The following SPATA18 variants were observed in gnomAD, a reference collection of about 807,000 sequenced individuals.
SPATA18 encodes the protein spermatogenesis associated 18.
In SPATA18, 54 loss-of-function variants were observed where a neutral mutation model predicts 68.1. That is an observed-to-expected ratio of 0.79 (90% CI 0.64 to 0.99). The LOEUF is 0.99. Among genes scored for constraint, SPATA18 ranks in the 50% least tolerant of loss-of-function variants. The pLI is 0.00. For missense variants in SPATA18, 724 were observed against 681.1 expected, an observed-to-expected ratio of 1.06 and a Z score of -0.70; for synonymous variants, 242 against 244.8, an observed-to-expected ratio of 0.99 and a Z score of 0.11.
chr4:52,069,384 A>C (rs1578167125), intron 4 of SPATA18, among the ~76,000 whole-genome samples: 1 of 152,134 alleles, frequency 6.6e-6, no homozygotes, highest in Non-Finnish European at 1.5e-5. Context: ...AATTTTTTTA[A>C]ATATTGAAGA....
intron 3 of SPATA18, among the ~76,000 whole-genome samples, 161 bp downstream of exon 3, chr4:52,061,058 C>G (rs1738807916): frequency 6.6e-6 from 1 of 152,166 alleles, no homozygotes; most frequent in South Asian, 2.1e-4. Context: ...AGTTTTTGAA[C>G]AGGTAGAGAT....
At chr4:52,056,999 T>A (rs952128581) in intron 1 of SPATA18, among the ~76,000 whole-genome samples, 1 of 152,116 alleles carries the variant, frequency 6.6e-6, no homozygotes, top group Non-Finnish European at 1.5e-5. Flanking sequence ...CTTCTGTTCC[T>A]CCTCTTGAAA....
intron 8 of SPATA18, 60 bp from the exon 9 acceptor site, chr4:52,079,684 G>T: frequency 1.9e-6 from 3 of 1,565,958 alleles, no homozygotes; most frequent in Non-Finnish European, 1.7e-6. Context: ...ATATTCTTAG[G>T]ATGTCAGAGT....
At chr4:52,087,635 G>A (rs2109524448) in intron 11 of SPATA18, among the ~76,000 whole-genome samples, 1 of 152,198 alleles carries the variant, frequency 6.6e-6, no homozygotes, top group African/African-American at 2.4e-5. Flanking sequence ...CTATATATCT[G>A]TTTTTGTACA....
chr4:52,070,546 A>T (rs1427730316), intron 5 of SPATA18, among the ~76,000 whole-genome samples: 53 of 81,142 alleles, frequency 6.5e-4, no homozygotes, highest in South Asian at 4.2e-3. Context: ...GGGTAGGGGG[A>T]GGGGGGAGGG....
intron 5 of SPATA18, among the ~76,000 whole-genome samples, chr4:52,070,890 G>GA (rs1491031576): frequency 2.1e-5 from 3 of 144,058 alleles, no homozygotes; most frequent in African/African-American, 7.5e-5. Context: ...TGGGGGGGGG[G>GA]GTGTTTTACA....
intron 1 of SPATA18, among the ~76,000 whole-genome samples, chr4:52,052,836 C>T (rs905937121): frequency 6.6e-6 from 1 of 152,216 alleles, no homozygotes; most frequent in Non-Finnish European, 1.5e-5. Flanking sequence ...ACCCTTTAAC[C>T]AGTGCTCCTG....
intron 11 of SPATA18, among the ~76,000 whole-genome samples, chr4:52,092,874 C>T (rs1322445000): frequency 6.6e-6 from 1 of 152,178 alleles, no homozygotes; most frequent in Non-Finnish European, 1.5e-5. Flanking sequence ...AGGTCATTAT[C>T]TTTAGCAAAC....
intron 11 of SPATA18, among the ~76,000 whole-genome samples, chr4:52,085,969 C>A (rs1244096111): frequency 6.6e-6 from 1 of 152,146 alleles, no homozygotes; most frequent in Non-Finnish European, 1.5e-5. Flanking sequence ...CACCACTATT[C>A]ATTTATTCAA....
At chr4:52,078,565 T>C (rs910279101) in intron 7 of SPATA18, 170 bp from the exon 8 acceptor site, 38 of 526,280 alleles carry the variant, frequency 7.2e-5, no homozygotes, top group Middle Eastern at 5.1e-4. Context: ...TATGTACTTT[T>C]CAAAGTTAGA....
chr4:52,060,744 G>A (rs370337585), intron 2 of SPATA18, 38 bp from the exon 3 acceptor site: 273 of 1,544,588 alleles, frequency 1.8e-4, no homozygotes, highest in Non-Finnish European at 2.2e-4. Context: ...TGCCATGTTG[G>A]TGTGCTGCAC....
chr4:52,075,154 A>T (rs1740222610), intron 6 of SPATA18, among the ~76,000 whole-genome samples: 2 of 152,056 alleles, frequency 1.3e-5, no homozygotes, highest in African/African-American at 4.8e-5. Context: ...TTTTCTGATG[A>T]TGCTCTTGTT....
At chr4:52,079,976 G>A in intron 9 of SPATA18, 57 bp downstream of exon 9, 1 of 1,543,296 alleles carries the variant, frequency 6.5e-7, no homozygotes, top group Non-Finnish European at 8.7e-7. Flanking sequence ...TGTCTTGTCT[G>A]TTTCCTGAAA....
intron 4 of SPATA18, among the ~76,000 whole-genome samples, chr4:52,064,164 G>A (rs547599770): frequency 4.8e-5 from 7 of 145,506 alleles, no homozygotes; most frequent in Non-Finnish European, 1.1e-4. Context: ...GCTTTATCAC[G>A]TATGTGTTCC....
Position 52,088,461 on chromosome 4 carries a change from T to C in SPATA18, c.1563+3462T>C, listed in dbSNP as rs545296906. On this transcript the variant is annotated intron_variant, in intron 11 of 12. Transcript: ENST00000295213. ...TGAGATATGTTCCATTGATACTTAGTTTATTGAGAGTTTTTTAGCATGAAG... is the reference window on the plus strand; with the variant it reads ...TGAGATATGTTCCATTGATACTTAGCTTATTGAGAGTTTTTTAGCATGAAG... 5.9e-5 allele frequency among the ~76,000 whole-genome samples: 9 copies of C among 152,332 alleles called. No homozygotes were observed. The East Asian group carries it at 1.5e-3, about 26-fold the overall frequency.
chr4:52,082,528 A>G lies in SPATA18; in HGVS notation c.1479+18A>G, dbSNP rs1456593751. On this transcript the variant is annotated intron_variant, in intron 10 of 12. Coordinates refer to ENST00000295213, the MANE Select transcript of SPATA18 (RefSeq NM_145263.4). Reference sequence around the variant, plus strand: ...GGGCTTTTGTACGGTGGCCTTGCATAGTGACAATTCATCCCAAGTGTTTGA... The same window carrying G: ...GGGCTTTTGTACGGTGGCCTTGCATGGTGACAATTCATCCCAAGTGTTTGA... 1.2e-6 allele frequency: 2 copies of G among 1,613,922 alleles called. No homozygotes were observed. Among genetic ancestry groups the G allele is most frequent in the African/African-American group, 2.7e-5 (2 of 74,936 alleles).
intron 6 of SPATA18, among the ~76,000 whole-genome samples, chr4:52,074,288 G>T (rs1450327475): frequency 6.6e-6 from 1 of 152,164 alleles, no homozygotes; most frequent in African/African-American, 2.4e-5. Flanking sequence ...TTTTAGCAGT[G>T]CCACAAAGCC....
At chr4:52,076,671 A>G in intron 6 of SPATA18, 108 bp from the exon 7 acceptor site, 2 of 1,422,548 alleles carry the variant, frequency 1.4e-6, no homozygotes, top group Non-Finnish European at 1.9e-6. Context: ...TTCCTCAGAT[A>G]AGGAGTTTTG....
chr4:52,095,046 C>A lies in SPATA18; in HGVS notation c.*159C>A. The A allele has an allele frequency of 2.5e-6, 2 of 791,674 alleles. No homozygotes were observed. The highest frequency in any genetic ancestry group is 4.2e-6 in the Non-Finnish European group (2 of 477,834). The allele number at this position is 791,674 out of a possible 1,614,324, so 49.0% of individuals were successfully genotyped here. A position where few individuals can be genotyped will look rare whatever the true frequency, so the allele number is the denominator to read the frequency against. Reference sequence around the variant, plus strand: ...CAGAGAGTTAAATGTTTTGGCTTGGCGCATTTGTAACTTTAGATATATTGC... The same window carrying A: ...CAGAGAGTTAAATGTTTTGGCTTGGAGCATTTGTAACTTTAGATATATTGC... On this transcript the variant is annotated 3_prime_UTR_variant, in exon 13 of 13. Coordinates refer to ENST00000295213, the MANE Select transcript of SPATA18 (RefSeq NM_145263.4).
Sources: gnomAD v4.1 joint callset for allele counts (sites outside exome capture counted in the v4.1 genomes callset) on GRCh38, gnomAD v4.1.1 for gene constraint, MANE v1.5 for transcripts, NCBI Gene and HGNC (gene_info 2026-07-23, HGNC 2026-07-21) for gene names.